The following SHISA6 variants were observed in gnomAD, a reference collection of about 807,000 sequenced individuals.
SHISA6 encodes the protein shisa family member 6, also known as protein shisa-6.
SHISA6 carries 22 observed loss-of-function variants against 47.9 expected under a neutral mutation model. The ratio of observed to expected loss-of-function variants is 0.46; its 90% CI spans 0.33 to 0.66. The LOEUF (loss-of-function observed/expected upper bound fraction) is 0.66. Ranked by LOEUF, SHISA6 falls within the 30% of genes least tolerant of loss-of-function variation. The pLI, the probability that SHISA6 is intolerant of heterozygous loss-of-function variation, is 0.02. For missense variants in SHISA6, 680 were observed against 764.6 expected, an observed-to-expected ratio of 0.89 and a Z score of 1.30; for synonymous variants, 388 against 337.8, an observed-to-expected ratio of 1.15 and a Z score of -1.63.
chr17:11,402,442 T>G (rs918789753), intron 3 of SHISA6, among the ~76,000 whole-genome samples: 5 of 152,238 alleles, frequency 3.3e-5, no homozygotes, highest in Admixed American at 2.0e-4. Context: ...AACTCCTGTT[T>G]CCTTTGCTTT....
chr17:11,398,406 A>G (rs958382177), intron 3 of SHISA6, among the ~76,000 whole-genome samples: 1 of 152,006 alleles, frequency 6.6e-6, no homozygotes, highest in Admixed American at 6.5e-5. Context: ...CCCCACTTCT[A>G]TGCCTCCTTT....
At chr17:11,305,784 C>T (rs541757067) in intron 2 of SHISA6, among the ~76,000 whole-genome samples, 1 of 152,240 alleles carries the variant, frequency 6.6e-6, no homozygotes, top group South Asian at 2.1e-4. Flanking sequence ...CCTCCACCTG[C>T]GTGTAGCACC....
In SHISA6 at chr17:11,312,463, T is replaced by C. The variant is rs560088009; in HGVS notation, c.799+48937T>C. 2.2e-4 allele frequency among the ~76,000 whole-genome samples: 33 copies of C among 152,312 alleles called. 1 individual carries two copies. The South Asian group carries it at 6.6e-3, about 31-fold the overall frequency. On this transcript the variant is annotated intron_variant, in intron 2 of 5. Coordinates refer to ENST00000441885, the MANE Select transcript of SHISA6 (RefSeq NM_207386.4). ...TAAGATTGTATTTTTCTGAAAATAA[T>C]ATCTGTTGCTTTGAAAACGCACTTC...
At chr17:11,452,810 T>C (rs969917603) in intron 3 of SHISA6, among the ~76,000 whole-genome samples, 1 of 148,774 alleles carries the variant, frequency 6.7e-6, no homozygotes, top group African/African-American at 2.5e-5. Flanking sequence ...CTCTCTTTTT[T>C]CCTCCTCTTA....
chr17:11,296,870 G>A (rs571745404), intron 2 of SHISA6, among the ~76,000 whole-genome samples: 19 of 152,028 alleles, frequency 1.2e-4, no homozygotes, highest in Non-Finnish European at 2.1e-4. Flanking sequence ...AGAGAAGAGA[G>A]TGCATCAAGA....
chr17:11,452,275 A>G (rs1418551905), intron 3 of SHISA6, among the ~76,000 whole-genome samples: 1 of 152,200 alleles, frequency 6.6e-6, no homozygotes, highest in Non-Finnish European at 1.5e-5. Flanking sequence ...TTCTGTATGT[A>G]TCCCTACATG....
intron 3 of SHISA6, among the ~76,000 whole-genome samples, chr17:11,515,499 G>A (rs1597562987): frequency 1.3e-5 from 2 of 151,970 alleles, no homozygotes; most frequent in Non-Finnish European, 2.9e-5. Flanking sequence ...GTTATTGAGG[G>A]AGTTTTCTCA....
intron 3 of SHISA6, among the ~76,000 whole-genome samples, chr17:11,499,962 A>G (rs2071438284): frequency 6.6e-6 from 1 of 152,092 alleles, no homozygotes; most frequent in African/African-American, 2.4e-5. Context: ...TTGGCCTCCC[A>G]AACTGCTGGA....
intron 3 of SHISA6, among the ~76,000 whole-genome samples, chr17:11,436,549 C>G (rs1279257621): frequency 6.6e-6 from 1 of 152,156 alleles, no homozygotes; most frequent in Admixed American, 6.5e-5. Context: ...AACAGCATCC[C>G]TTTATTTCTT....
chr17:11,352,073 A>C (rs1911909705), intron 2 of SHISA6, among the ~76,000 whole-genome samples: 1 of 152,312 alleles, frequency 6.6e-6, no homozygotes, highest in South Asian at 2.1e-4. Flanking sequence ...GAGCTTGAGA[A>C]GTGGATTTGA....
chr17:11,375,577 C>T (rs1912772370), intron 2 of SHISA6, among the ~76,000 whole-genome samples: 1 of 152,164 alleles, frequency 6.6e-6, no homozygotes, highest in South Asian at 2.1e-4. Context: ...TACAGCAAAT[C>T]TGTTTCACAG....
At chr17:11,470,201 A>G (rs1915903745) in intron 3 of SHISA6, among the ~76,000 whole-genome samples, 1 of 152,168 alleles carries the variant, frequency 6.6e-6, no homozygotes. Flanking sequence ...AGTTTATTAG[A>G]AGACTGTAGC....
chr17:11,388,753 G>A (rs1368879901), intron 3 of SHISA6, among the ~76,000 whole-genome samples: 1 of 122,318 alleles, frequency 8.2e-6, no homozygotes, highest in Non-Finnish European at 1.6e-5. Flanking sequence ...GGAATGGTAA[G>A]TTTTATCTTC....
intron 3 of SHISA6, among the ~76,000 whole-genome samples, chr17:11,388,799 TATATATATA>T (rs1913281254): frequency 2.8e-5 from 1 of 35,862 alleles, no homozygotes; most frequent in South Asian, 8.4e-4. Context: ...TTTATATATA[TATATATATA>T]TATATATATA....
chr17:11,473,397 G>T (rs1915974707), intron 3 of SHISA6, among the ~76,000 whole-genome samples: 1 of 152,066 alleles, frequency 6.6e-6, no homozygotes, highest in Non-Finnish European at 1.5e-5. Context: ...AGCAGATTTG[G>T]CAATTCTGAC....
At position 11,508,203 on chromosome 17, in the gene SHISA6, C is replaced by A. The variant is rs188451180; in HGVS notation, c.896-43693C>A. Among the ~76,000 whole-genome samples, 41 of 152,318 alleles carry A rather than the reference C, an allele frequency of 2.7e-4. No homozygotes were observed. The South Asian group carries it at 8.5e-3, about 32-fold the overall frequency. ...TAGCTGTGTGACTGTCTTAGTCATT[C>A]GTGCTGCTGTAACAAAATACCACAG... On this transcript the variant is annotated intron_variant, in intron 3 of 5. Transcript: ENST00000441885.
At chr17:11,545,926 A>T (rs1439509981) in intron 3 of SHISA6, among the ~76,000 whole-genome samples, 1 of 152,132 alleles carries the variant, frequency 6.6e-6, no homozygotes, top group African/African-American at 2.4e-5. Context: ...CACTTTTTGC[A>T]CCCAGCCTCG....
chr17:11,314,602 C>G (rs1910444853), intron 2 of SHISA6, among the ~76,000 whole-genome samples: 1 of 149,692 alleles, frequency 6.7e-6, no homozygotes, highest in South Asian at 2.1e-4. Context: ...ATGGCACAGT[C>G]TCGGCTCACT....
At chr17:11,535,885 ATGTGTGTG>A (rs10570271) in intron 3 of SHISA6, among the ~76,000 whole-genome samples, 1 of 150,298 alleles carries the variant, frequency 6.7e-6, no homozygotes, top group Admixed American at 6.6e-5. Context: ...TGGGAAAACA[ATGTGTGTG>A]TGTGTGTGTG....
Sources: allele counts gnomAD v4.1 joint callset (sites outside exome capture counted in the v4.1 genomes callset), GRCh38; gene constraint gnomAD v4.1.1; transcripts MANE v1.5; gene names NCBI Gene and HGNC (gene_info 2026-07-23, HGNC 2026-07-21).